Variants in NINJ2 observed in about 807,000 individuals in gnomAD.
NINJ2 encodes the protein ninjurin-2.
Under a neutral mutation model 11.7 loss-of-function variants are expected in NINJ2, and 12 were observed. The observed-to-expected ratio is 1.02, with a 90% CI of 0.66 to 1.66. NINJ2 has a LOEUF of 1.66. Ranked by LOEUF, NINJ2 falls within the 40% of genes most tolerant of loss-of-function variation. The pLI is 0.00. For missense variants in NINJ2, 187 were observed against 181.8 expected (o/e 1.03, Z -0.16); for synonymous variants, 93 against 76.8 (o/e 1.21, Z -1.10).
At chr12:572,727 G>A (rs1054840827) in intron 1 of NINJ2, among the ~76,000 whole-genome samples, 5 of 152,146 alleles carry the variant, frequency 3.3e-5, no homozygotes, top group Admixed American at 1.3e-4. Context: ...ACAGTTCTGC[G>A]AAGTAGATGA....
chr12:659,212 GC>G (rs1392009027), intron 1 of NINJ2, among the ~76,000 whole-genome samples: 1 of 151,642 alleles, frequency 6.6e-6, no homozygotes, highest in African/African-American at 2.4e-5. Flanking sequence ...TCTGTATCTC[GC>G]TCTACTTAAC....
chr12:621,824 A>AC (rs2120382034), intron 1 of NINJ2, among the ~76,000 whole-genome samples: 1 of 150,932 alleles, frequency 6.6e-6, no homozygotes, highest in South Asian at 2.1e-4. Context: ...TCAGAAAAAA[A>AC]AAAAAAAAGA....
chr12:626,370 C>T (rs1948210572), intron 1 of NINJ2, among the ~76,000 whole-genome samples: 1 of 152,226 alleles, frequency 6.6e-6, no homozygotes, highest in African/African-American at 2.4e-5. Context: ...AGTTAGTATA[C>T]AGCAATATTT....
At chr12:622,656 C>A (rs1948167632) in intron 1 of NINJ2, among the ~76,000 whole-genome samples, 1 of 152,132 alleles carries the variant, frequency 6.6e-6, no homozygotes, top group African/African-American at 2.4e-5. Flanking sequence ...TTCCCACCTT[C>A]ATCCTCTAGA....
chr12:641,460 G>C (rs112133748), intron 1 of NINJ2, among the ~76,000 whole-genome samples: 61 of 152,338 alleles, frequency 4.0e-4, no homozygotes, highest in African/African-American at 1.4e-3. Flanking sequence ...ATGAGGATGG[G>C]AGGAGTGTGC....
rs11063874 is a variant in NINJ2 at position 614,208 on chromosome 12, A to T, written c.34-48030T>A. ...GCCTTGACTTTCCAGCCTTCTCCAC[A>T]GGCACCTGCTCAGCTTGGTTTGGGT... On this transcript the variant is annotated intron_variant, in intron 1 of 3. Transcript: ENST00000305108. This position sits in a 1 kb window ranked among gnomAD's most constrained non-coding sequence, Gnocchi z 5.1. 0.075 allele frequency among the ~76,000 whole-genome samples: 11,445 copies of T among 152,246 alleles called. 562 individuals are homozygous for T. Among genetic ancestry groups the T allele is most frequent in the Middle Eastern group, 0.12 (36 of 294 alleles).
intron 1 of NINJ2, among the ~76,000 whole-genome samples, chr12:567,072 T>C (rs1225012060): frequency 1.3e-5 from 2 of 152,168 alleles, no homozygotes; most frequent in Admixed American, 6.5e-5. Flanking sequence ...GGAGAGTCAT[T>C]TAAAAGTTAT....
At chr12:570,311 C>T (rs1262405662) in intron 1 of NINJ2, among the ~76,000 whole-genome samples, 1 of 152,242 alleles carries the variant, frequency 6.6e-6, no homozygotes, top group African/African-American at 2.4e-5. Flanking sequence ...TTTTCTAATC[C>T]TCGTGGGCCA....
chr12:610,704 A>C, intron 1 of NINJ2: 1 of 710,232 alleles, frequency 1.4e-6, no homozygotes, highest in Non-Finnish European at 1.7e-6. Flanking sequence ...TATGACAAGG[A>C]CAACCACAGC....
intron 1 of NINJ2, among the ~76,000 whole-genome samples, chr12:637,928 G>A (rs1421705146): frequency 6.6e-6 from 1 of 152,204 alleles, no homozygotes; most frequent in Non-Finnish European, 1.5e-5. Flanking sequence ...AGGAATCAGG[G>A]CCAAAGGATT....
intron 1 of NINJ2, among the ~76,000 whole-genome samples, chr12:653,796 A>G (rs925649683): frequency 6.6e-6 from 1 of 152,182 alleles, no homozygotes; most frequent in African/African-American, 2.4e-5. Flanking sequence ...AATCACTTTG[A>G]ATGTCAATGG....
intron 1 of NINJ2, among the ~76,000 whole-genome samples, chr12:642,056 G>C (rs57003899): frequency 0.016 from 2,492 of 152,292 alleles, 71 homozygotes; most frequent in African/African-American, 0.057. Flanking sequence ...ATTTCGGTTT[G>C]ACAGCCTGAG....
Position 585,723 on chromosome 12 carries a change from T to C in NINJ2, c.34-19545A>G, listed in dbSNP as rs764215955. On this transcript the variant is annotated intron_variant, in intron 1 of 3. Transcript: ENST00000305108. This position sits in a 1 kb window ranked among gnomAD's most constrained non-coding sequence, Gnocchi z 4.1. ...TTTCCAGCCAATCAGCAAATATTTA[T>C]TGAGCATCTGTCTATTTGGGGCAAG... The C allele has an allele frequency of 1.3e-5, 2 of 152,290 alleles. No homozygotes were observed. The highest frequency in any genetic ancestry group is 2.9e-5 in the Non-Finnish European group (2 of 68,080). 9.4% of individuals were successfully genotyped at this position (152,290 alleles called of 1,614,324 possible).
chr12:607,936 C>T (rs1485030996), intron 1 of NINJ2, among the ~76,000 whole-genome samples: 1 of 152,156 alleles, frequency 6.6e-6, no homozygotes, highest in East Asian at 1.9e-4. Context: ...GGCCATCAGC[C>T]ACCGTCTTTG....
intron 2 of NINJ2, 169 bp downstream of exon 2, chr12:565,781 G>C (rs769732091): frequency 1.9e-5 from 13 of 702,344 alleles, no homozygotes; most frequent in Non-Finnish European, 2.8e-5. Flanking sequence ...CTGCCCTCGC[G>C]GGGTGGAAGT....
chr12:610,545 G>A (rs1948014720), intron 1 of NINJ2: 1 of 1,467,462 alleles, frequency 6.8e-7, no homozygotes, highest in Admixed American at 2.3e-5. Flanking sequence ...TGCAGCAGAT[G>A]CCCACCACAG....
intron 1 of NINJ2, among the ~76,000 whole-genome samples, chr12:566,462 C>A (rs1317510713): frequency 6.6e-6 from 1 of 152,178 alleles, no homozygotes; most frequent in Admixed American, 6.5e-5. Flanking sequence ...CGGGAGGGTT[C>A]TCTGCTGCTG....
chr12:593,104 A>AT (rs1278657154), intron 1 of NINJ2, among the ~76,000 whole-genome samples: 2 of 152,180 alleles, frequency 1.3e-5, no homozygotes, highest in Middle Eastern at 3.2e-3. Context: ...AGGAAAGAAG[A>AT]TTTTTTAATG....
At chr12:570,155 G>C (rs975052374) in intron 1 of NINJ2, among the ~76,000 whole-genome samples, 2 of 152,316 alleles carry the variant, frequency 1.3e-5, no homozygotes, top group East Asian at 1.9e-4. Flanking sequence ...GAGCCAGCGT[G>C]GGGTGGGGGG....
Sources: allele counts gnomAD v4.1 joint callset (sites outside exome capture counted in the v4.1 genomes callset), GRCh38; gene constraint gnomAD v4.1.1; non-coding constraint Gnocchi (gnomAD v3.1); transcripts MANE v1.5; gene names NCBI Gene and HGNC (gene_info 2026-07-23, HGNC 2026-07-21).